Variants in CCDC18 observed in about 807,000 individuals in gnomAD.
The protein encoded by CCDC18 is coiled-coil domain-containing protein 18.
A neutral mutation model predicts 196.0 loss-of-function variants in CCDC18; 157 were observed. The observed-to-expected ratio is 0.80, with a 90% confidence interval of 0.70 to 0.91. The LOEUF is 0.91. CCDC18 is among the 40% of genes least tolerant of loss of function. The pLI is 0.00. For synonymous variants in CCDC18, 482 were observed against 529.2 expected (o/e 0.91, Z 1.22); for missense variants, 1,465 against 1,611.6 (o/e 0.91, Z 1.56).
At position 93,180,807 on chromosome 1, in the gene CCDC18, A is replaced by T. The variant is rs749427680; in HGVS notation, c.-48A>T. ...ACGCGCAGGGGCCCGGGAAAGGGTC[A>T]GAGGCTTCCTAACGCAGACTCGAGT... On this transcript the variant is annotated 5_prime_UTR_variant, in exon 1 of 29. Transcript: ENST00000690025. The T allele has an allele frequency of 7.3e-6, 10 of 1,367,728 alleles. No homozygotes were observed. The Admixed American group carries it at 9.5e-5, about 13-fold the overall frequency. The allele number at this position is 1,367,728 out of a possible 1,614,324, so 84.7% of individuals were successfully genotyped here.
intron 7 of CCDC18, among the ~76,000 whole-genome samples, chr1:93,205,309 G>A (rs1345473743): frequency 1.3e-5 from 2 of 152,132 alleles, no homozygotes; most frequent in African/African-American, 4.8e-5. Context: ...TTCTGGACAG[G>A]TAGTAGTGTC....
chr1:93,264,622 G>T (rs1337320522), intron 26 of CCDC18, 79 bp from the exon 27 acceptor site: 3 of 762,816 alleles, frequency 3.9e-6, no homozygotes, highest in African/African-American at 3.5e-5. Flanking sequence ...AATAAAAGTA[G>T]AAAGCATTAG....
chr1:93,231,869 T>C (rs1352954592), intron 17 of CCDC18, among the ~76,000 whole-genome samples: 3 of 152,218 alleles, frequency 2.0e-5, no homozygotes, highest in Admixed American at 2.0e-4. Flanking sequence ...AAACATCATA[T>C]AGTGCTTTTA....
At chr1:93,248,357 T>C (rs1661777545) in intron 23 of CCDC18, among the ~76,000 whole-genome samples, 1 of 152,140 alleles carries the variant, frequency 6.6e-6, no homozygotes, top group African/African-American at 2.4e-5. Flanking sequence ...GCTTTTATAA[T>C]GTGAAGATGT....
intron 13 of CCDC18, 69 bp from the exon 14 acceptor site, chr1:93,217,669 A>T: frequency 1.5e-6 from 2 of 1,345,762 alleles, no homozygotes; most frequent in Non-Finnish European, 2.0e-6. Flanking sequence ...GAACTCCTGG[A>T]TTCAAGCGAT....
intron 23 of CCDC18, among the ~76,000 whole-genome samples, chr1:93,253,431 C>T (rs1439935449): frequency 6.6e-6 from 1 of 152,166 alleles, no homozygotes; most frequent in Non-Finnish European, 1.5e-5. Context: ...AGTCCCTGCA[C>T]AGACAGGATA....
At chr1:93,183,314 A>T in intron 1 of CCDC18, 46 bp from the exon 2 acceptor site, 1 of 1,381,244 alleles carries the variant, frequency 7.2e-7, no homozygotes, top group Non-Finnish European at 9.8e-7. Flanking sequence ...GACTGAAACT[A>T]CAGAATCTTT....
chr1:93,242,467 A>G (rs1322010585), intron 21 of CCDC18, among the ~76,000 whole-genome samples: 3 of 152,300 alleles, frequency 2.0e-5, no homozygotes, highest in Admixed American at 6.5e-5. Flanking sequence ...CTCACAACAC[A>G]TGGGAATTCA....
chr1:93,186,987 C>T (rs12124011), intron 4 of CCDC18, among the ~76,000 whole-genome samples: 1 of 151,722 alleles, frequency 6.6e-6, no homozygotes, highest in Admixed American at 6.6e-5. Flanking sequence ...TTTTCTGATG[C>T]ATTTACATAG....
chr1:93,199,276 G>A (rs1041717827), intron 6 of CCDC18, among the ~76,000 whole-genome samples: 1 of 152,236 alleles, frequency 6.6e-6, no homozygotes, highest in Non-Finnish European at 1.5e-5. Context: ...GTGTGTGAAC[G>A]ACCATAGGGT....
chr1:93,182,394 C>T (rs995017558), intron 1 of CCDC18, among the ~76,000 whole-genome samples: 1 of 152,070 alleles, frequency 6.6e-6, no homozygotes, highest in Non-Finnish European at 1.5e-5. Flanking sequence ...CGGTCCTGAA[C>T]GTAATGCACA....
chr1:93,264,854 G>GAT lies in CCDC18; in HGVS notation c.3840_3841dup (p.Arg1281IlefsTer5). 1.2e-6 allele frequency: 2 copies of GAT among 1,613,536 alleles called. No individual in the cohort carries two copies. The highest frequency in any genetic ancestry group is 1.7e-6 in the Non-Finnish European group (2 of 1,179,662). ...AAGCAATTTGCATCAACAAGTCCAA[G>GAT]ATAGGAATGAAGTAATTGAAGCTGC... On this transcript the variant is annotated frameshift_variant, in exon 27 of 29. Transcript: ENST00000690025. LOFTEE classifies it high-confidence loss of function.
rs548328718 is a variant in CCDC18 at position 93,254,313 on chromosome 1, A to G, written c.3199-158A>G. Reference sequence around the variant, plus strand: ...TGCCTTTCTGGTAATGTCCAAGAACAAGAATTTTTGTGCTTATTTCCAGGA... The same window carrying G: ...TGCCTTTCTGGTAATGTCCAAGAACGAGAATTTTTGTGCTTATTTCCAGGA... On this transcript the variant is annotated intron_variant, in intron 23 of 28. Transcript: ENST00000690025. Among the ~76,000 whole-genome samples, 3 of 152,320 alleles carry G rather than the reference A, an allele frequency of 2.0e-5. No homozygotes were observed. The East Asian group carries it at 5.8e-4, about 29-fold the overall frequency.
chr1:93,256,619 T>C, intron 25 of CCDC18, 81 bp downstream of exon 25: 1 of 1,141,402 alleles, frequency 8.8e-7, no homozygotes, highest in Non-Finnish European at 1.3e-6. Flanking sequence ...AATATAGTTC[T>C]TTCAAAAATG....
At chr1:93,190,664 G>T in intron 4 of CCDC18, 3 of 383,160 alleles carry the variant, frequency 7.8e-6, no homozygotes, top group Non-Finnish European at 1.4e-5. Context: ...AGTATGAGAT[G>T]TTTTTCTTTC....
In CCDC18 at chr1:93,270,383, G is replaced by A; in HGVS notation, c.3922G>A (p.Gly1308Arg). The A allele has an allele frequency of 6.5e-7, 1 of 1,549,302 alleles. No homozygotes were observed. Among genetic ancestry groups the A allele is most frequent in the Non-Finnish European group, 8.7e-7 (1 of 1,146,140 alleles). The change falls in exon 28 of 29, where the codon GGA becomes AGA. Residue 1308 changes from glycine (G) to arginine (R), a missense_variant. Physicochemically the swap from Gly to Arg is moderately radical, Grantham distance 125. Transcript: ENST00000690025. The stretch of plus-strand genomic sequence containing the variant: ...AACCAGATTACAGGCCAAAATTTCT[G>A]GACATGAAAAGGCAGAAGACATCAA... ...ELTRLQAKIS[G>R]HEKAEDIKFL...
chr1:93,264,112 CA>C (rs10714121), intron 26 of CCDC18, among the ~76,000 whole-genome samples: 71,814 of 151,810 alleles, frequency 0.47, 20,156 homozygotes, highest in African/African-American at 0.79. Flanking sequence ...TGGTGGGAGA[CA>C]AGAGAGCAAG....
intron 14 of CCDC18, among the ~76,000 whole-genome samples, chr1:93,218,388 CAGTA>C (rs1306609566): frequency 6.6e-6 from 1 of 152,100 alleles, no homozygotes; most frequent in Non-Finnish European, 1.5e-5. Flanking sequence ...AAATTAGACA[CAGTA>C]AGAGATTAGC....
At chr1:93,251,690 T>A (rs948704613) in intron 23 of CCDC18, among the ~76,000 whole-genome samples, 1 of 152,214 alleles carries the variant, frequency 6.6e-6, no homozygotes, top group African/African-American at 2.4e-5. Flanking sequence ...TTTCTCTCAC[T>A]GCTTTCAGGA....
Sources: gnomAD v4.1 joint callset for allele counts (sites outside exome capture counted in the v4.1 genomes callset) on GRCh38, gnomAD v4.1.1 for gene constraint, MANE v1.5 for transcripts, NCBI Gene and HGNC (gene_info 2026-07-23, HGNC 2026-07-21) for gene names.